TAFA1: variants seen among roughly 807,000 people sequenced by gnomAD.
TAFA1 encodes the protein chemokine-like protein TAFA-1.
TAFA1 carries 4 observed loss-of-function variants against 18.5 expected under a neutral mutation model. That is an observed-to-expected ratio of 0.22 (90% CI 0.11 to 0.49). TAFA1 has a LOEUF of 0.49. Among genes scored for constraint, TAFA1 ranks in the 20% least tolerant of loss-of-function variants. The pLI, the probability that TAFA1 is intolerant of heterozygous loss-of-function variation, is 0.98. For missense variants in TAFA1, 147 were observed against 169.0 expected, an observed-to-expected ratio of 0.87 and a Z score of 0.72; for synonymous variants, 56 against 55.2, an observed-to-expected ratio of 1.01 and a Z score of -0.06.
At position 68,006,763 on chromosome 3, in the gene TAFA1, C is replaced by T; in HGVS notation, c.118+19C>T. ...AGACCAGGTAAGTCAGGAGCTGGCT[C>T]CACTGCAGCCTCCTCCAGTCTTACC... On this transcript the variant is annotated intron_variant, in intron 2 of 4. Coordinates refer to ENST00000478136, the MANE Select transcript of TAFA1 (RefSeq NM_213609.4). 2 of 1,489,800 alleles carry T rather than the reference C, an allele frequency of 1.3e-6. No homozygotes were observed. Among genetic ancestry groups the T allele is most frequent in the South Asian group, 2.3e-5 (2 of 88,594 alleles). The allele number at this position is 1,489,800 out of a possible 1,614,324, so 92.3% of individuals were successfully genotyped here.
chr3:68,081,593 C>G (rs1268315406), intron 2 of TAFA1, among the ~76,000 whole-genome samples: 2 of 152,206 alleles, frequency 1.3e-5, no homozygotes, highest in Non-Finnish European at 2.9e-5. Context: ...CAATGTGCCC[C>G]TGCTGAGGGG....
chr3:68,201,573 G>A (rs76464945), intron 2 of TAFA1, among the ~76,000 whole-genome samples: 6,093 of 151,778 alleles, frequency 0.04, 145 homozygotes, highest in Middle Eastern at 0.075. Context: ...TATTAGGCAC[G>A]TAGATAAAGA....
At chr3:68,354,590 C>T (rs935016213) in intron 2 of TAFA1, among the ~76,000 whole-genome samples, 5 of 151,948 alleles carry the variant, frequency 3.3e-5, no homozygotes, top group Admixed American at 2.0e-4. Context: ...AATAAAAATA[C>T]ACTTAAATAA....
chr3:68,189,510 C>G (rs893292934), intron 2 of TAFA1, among the ~76,000 whole-genome samples: 3 of 151,840 alleles, frequency 2.0e-5, no homozygotes, highest in Admixed American at 1.3e-4. Flanking sequence ...GAGCTCTGCC[C>G]ATCATCTTGA....
At chr3:68,208,157 T>C (rs2066549814) in intron 2 of TAFA1, among the ~76,000 whole-genome samples, 1 of 152,008 alleles carries the variant, frequency 6.6e-6, no homozygotes, top group Non-Finnish European at 1.5e-5. Flanking sequence ...GTATGAAGGA[T>C]ATGGACGTTT....
intron 3 of TAFA1, among the ~76,000 whole-genome samples, chr3:68,474,235 A>G (rs570419843): frequency 6.6e-6 from 1 of 152,322 alleles, no homozygotes; most frequent in East Asian, 1.9e-4. Flanking sequence ...AAGATTACTC[A>G]GGATATAAGT....
intron 3 of TAFA1, among the ~76,000 whole-genome samples, chr3:68,437,391 T>C (rs1575865927): frequency 6.6e-6 from 1 of 152,250 alleles, no homozygotes; most frequent in East Asian, 1.9e-4. Flanking sequence ...CATTCTCTTA[T>C]GTTGCTTGTA....
intron 2 of TAFA1, among the ~76,000 whole-genome samples, chr3:68,067,177 T>G (rs1000219719): frequency 6.6e-6 from 1 of 152,226 alleles, no homozygotes; most frequent in South Asian, 2.1e-4. Flanking sequence ...ATCTACTTCC[T>G]TGTGACATCT....
At chr3:68,343,104 T>A (rs1271504742) in intron 2 of TAFA1, among the ~76,000 whole-genome samples, 1 of 152,204 alleles carries the variant, frequency 6.6e-6, no homozygotes, top group East Asian at 1.9e-4. Context: ...AGCAACCCAC[T>A]GGCATCATTT....
chr3:68,283,302 G>A (rs984886372), intron 2 of TAFA1, among the ~76,000 whole-genome samples: 1 of 152,158 alleles, frequency 6.6e-6, no homozygotes, highest in Non-Finnish European at 1.5e-5. Flanking sequence ...CAGTCTTATA[G>A]TCTGACTTTT....
At chr3:68,258,857 T>C (rs1352849) in intron 2 of TAFA1, among the ~76,000 whole-genome samples, 13,769 of 152,256 alleles carry the variant, frequency 0.09, 929 homozygotes, top group Admixed American at 0.25. Flanking sequence ...CTTCTGCATC[T>C]TCTGTCAGAA....
chr3:68,531,711 T>A (rs2073190917), intron 3 of TAFA1, among the ~76,000 whole-genome samples: 1 of 152,230 alleles, frequency 6.6e-6, no homozygotes, highest in Admixed American at 6.5e-5. Flanking sequence ...GTGTTTTCTA[T>A]CTGTTGGGAG....
At chr3:68,182,485 T>A (rs2066216687) in intron 2 of TAFA1, among the ~76,000 whole-genome samples, 1 of 152,164 alleles carries the variant, frequency 6.6e-6, no homozygotes, top group Admixed American at 6.5e-5. Flanking sequence ...CAGTTTAACA[T>A]CCAAATATCA....
intron 2 of TAFA1, among the ~76,000 whole-genome samples, chr3:68,403,151 C>A (rs559648257): frequency 1.3e-5 from 2 of 152,276 alleles, no homozygotes; most frequent in South Asian, 4.1e-4. Context: ...ATAGGCTATA[C>A]TATCTAGCCT....
At chr3:68,337,647 T>C (rs969185209) in intron 2 of TAFA1, among the ~76,000 whole-genome samples, 1 of 152,184 alleles carries the variant, frequency 6.6e-6, no homozygotes, top group Non-Finnish European at 1.5e-5. Context: ...CCCTGTGTTA[T>C]TCTGTTTTTT....
intron 2 of TAFA1, among the ~76,000 whole-genome samples, chr3:68,220,233 T>C (rs949120960): frequency 5.9e-5 from 9 of 152,180 alleles, no homozygotes; most frequent in African/African-American, 1.7e-4. Context: ...TCAAATACTT[T>C]TTAATTTTGT....
At chr3:68,176,961 C>G (rs528374509) in intron 2 of TAFA1, among the ~76,000 whole-genome samples, 1 of 151,970 alleles carries the variant, frequency 6.6e-6, no homozygotes, top group Non-Finnish European at 1.5e-5. Context: ...TCATCTGGTT[C>G]TTGGTGGCAT....
At chr3:68,465,460 T>C (rs998252258) in intron 3 of TAFA1, among the ~76,000 whole-genome samples, 1 of 152,340 alleles carries the variant, frequency 6.6e-6, no homozygotes, top group Non-Finnish European at 1.5e-5. Flanking sequence ...CTAATTAATA[T>C]ATCTGTGTGT....
chr3:68,253,044 T>C (rs1159576758), intron 2 of TAFA1, among the ~76,000 whole-genome samples: 1 of 152,152 alleles, frequency 6.6e-6, no homozygotes, highest in Non-Finnish European at 1.5e-5. Flanking sequence ...TGTGGAACTG[T>C]GAGTCCATTA....
Sources: allele counts gnomAD v4.1 joint callset (sites outside exome capture counted in the v4.1 genomes callset), GRCh38; gene constraint gnomAD v4.1.1; transcripts MANE v1.5; gene names NCBI Gene and HGNC (gene_info 2026-07-23, HGNC 2026-07-21).